SCAI: variants seen among roughly 807,000 people sequenced by gnomAD.
SCAI encodes protein SCAI.
In SCAI, 24 loss-of-function variants were observed where a neutral mutation model predicts 92.2. That is an observed-to-expected ratio of 0.26 (90% CI 0.19 to 0.37). SCAI has a LOEUF of 0.37. Ranked by LOEUF, SCAI falls within the 10% of genes least tolerant of loss-of-function variation. SCAI has a pLI of 1.00. For missense variants in SCAI, 450 were observed against 736.2 expected, an observed-to-expected ratio of 0.61 and a Z score of 4.50; for synonymous variants, 261 against 258.6, an observed-to-expected ratio of 1.01 and a Z score of -0.09.
intron 11 of SCAI, among the ~76,000 whole-genome samples, chr9:125,002,806 A>C (rs1052190158): frequency 2.6e-5 from 4 of 151,826 alleles, no homozygotes; most frequent in Non-Finnish European, 5.9e-5. Flanking sequence ...TTACACCTAA[A>C]ATCATTGAGT....
intron 2 of SCAI, among the ~76,000 whole-genome samples, chr9:125,075,092 T>C (rs75129264): frequency 0.027 from 4,153 of 152,206 alleles, 86 homozygotes; most frequent in Non-Finnish European, 0.041. Context: ...TTTATGAAGC[T>C]AATGGGGCAG....
At chr9:125,105,085 T>A (rs1834750726) in intron 2 of SCAI, among the ~76,000 whole-genome samples, 1 of 152,028 alleles carries the variant, frequency 6.6e-6, no homozygotes, top group Non-Finnish European at 1.5e-5. Flanking sequence ...TCATAAATCA[T>A]CTGGTGGTAA....
At chr9:124,983,748 T>C (rs1192502311) in intron 14 of SCAI, among the ~76,000 whole-genome samples, 1 of 152,210 alleles carries the variant, frequency 6.6e-6, no homozygotes, top group East Asian at 1.9e-4. Context: ...TCACAGAAGG[T>C]GACAAGTGCT....
At chr9:125,126,311 T>A (rs1343931146) in intron 2 of SCAI, among the ~76,000 whole-genome samples, 1 of 152,170 alleles carries the variant, frequency 6.6e-6, no homozygotes, top group Admixed American at 6.6e-5. Context: ...TGGGTGGCTG[T>A]CTTCACAACA....
At chr9:125,063,224 C>T (rs1282791631) in intron 2 of SCAI, among the ~76,000 whole-genome samples, 1 of 151,048 alleles carries the variant, frequency 6.6e-6, no homozygotes, top group African/African-American at 2.4e-5. Flanking sequence ...GCCTGGCCAA[C>T]ATGGCAAAAC....
chr9:125,115,909 G>A (rs150504365), intron 2 of SCAI, among the ~76,000 whole-genome samples: 9 of 152,258 alleles, frequency 5.9e-5, no homozygotes, highest in South Asian at 2.1e-4. Flanking sequence ...GTACACATAT[G>A]TTGGGCCAGG....
At chr9:125,080,494 G>GA (rs1198810175) in intron 2 of SCAI, among the ~76,000 whole-genome samples, 3 of 151,810 alleles carry the variant, frequency 2.0e-5, no homozygotes, top group Non-Finnish European at 4.4e-5. Context: ...ATCACTCTTT[G>GA]AAAAAAATAT....
intron 3 of SCAI, among the ~76,000 whole-genome samples, chr9:125,045,038 C>T (rs1454875562): frequency 1.3e-5 from 2 of 152,186 alleles, no homozygotes; most frequent in Non-Finnish European, 2.9e-5. Flanking sequence ...ACCTGGCCTA[C>T]CCTTGGCAGG....
intron 17 of SCAI, among the ~76,000 whole-genome samples, chr9:124,953,423 T>C (rs975819116): frequency 3.3e-5 from 5 of 151,952 alleles, no homozygotes; most frequent in African/African-American, 1.2e-4. Context: ...GGTCAGGAGT[T>C]TGAGACCAGC....
intron 2 of SCAI, among the ~76,000 whole-genome samples, chr9:125,069,094 T>G (rs1833926598): frequency 6.6e-6 from 1 of 151,786 alleles, no homozygotes; most frequent in Admixed American, 6.6e-5. Flanking sequence ...GGCATGCACC[T>G]GTAACCCTAG....
chr9:125,077,101 T>C (rs1442089370), intron 2 of SCAI, among the ~76,000 whole-genome samples: 1 of 152,212 alleles, frequency 6.6e-6, no homozygotes, highest in African/African-American at 2.4e-5. Flanking sequence ...GAAGCGCCAC[T>C]GCACTCAGGC....
Position 125,003,194 on chromosome 9 carries a change from T to G in SCAI, c.985A>C (p.Arg329=). 6.2e-7 allele frequency: 1 copy of G among 1,613,582 alleles called. No homozygotes were observed. Among genetic ancestry groups the G allele is most frequent in the East Asian group, 2.2e-5 (1 of 44,866 alleles). The change falls in exon 11 of 18, where the codon AGA becomes CGA. Residue 329 remains arginine (R), a synonymous_variant. Coordinates refer to ENST00000336505, the MANE Select transcript of SCAI (RefSeq NM_001144877.3). The part of the protein sequence containing the change: ...GMQESADKPT[R]RENPHKYLLY... ...AGATACTTGTGGGGGTTTTCTCGTC[T>G]AGTAGGCTTGTCAGCTGATTCCTAT... is the stretch of plus-strand genomic sequence containing the variant.
chr9:125,037,264 T>C (rs1021658545), intron 3 of SCAI, among the ~76,000 whole-genome samples: 5 of 142,030 alleles, frequency 3.5e-5, no homozygotes, highest in African/African-American at 1.4e-4. Flanking sequence ...GAGCAAAACT[T>C]TGTCGATTAA....
chr9:125,138,644 G>C (rs929972442), intron 2 of SCAI, among the ~76,000 whole-genome samples: 15 of 152,070 alleles, frequency 9.9e-5, no homozygotes, highest in Non-Finnish European at 1.5e-5. Context: ...TCGATCTCCT[G>C]ACCTTGTGAT....
intron 12 of SCAI, among the ~76,000 whole-genome samples, chr9:125,001,436 C>T (rs1031712247): frequency 6.6e-5 from 10 of 152,112 alleles, no homozygotes; most frequent in African/African-American, 1.7e-4. Context: ...AACAGCATCC[C>T]GATATTCTAC....
intron 3 of SCAI, among the ~76,000 whole-genome samples, chr9:125,054,269 C>T (rs763257679): frequency 6.6e-6 from 1 of 152,198 alleles, no homozygotes; most frequent in Non-Finnish European, 1.5e-5. Context: ...GCCACTGCGC[C>T]TGGCCTCTTC....
intron 17 of SCAI, among the ~76,000 whole-genome samples, chr9:124,970,336 C>T (rs1179162546): frequency 2.6e-5 from 4 of 151,920 alleles, no homozygotes; most frequent in African/African-American, 7.3e-5. Flanking sequence ...AAGGAAGCTG[C>T]AGAATACATA....
At chr9:125,139,060 G>A (rs1186241855) in intron 2 of SCAI, among the ~76,000 whole-genome samples, 2 of 152,166 alleles carry the variant, frequency 1.3e-5, no homozygotes, top group African/African-American at 4.8e-5. Context: ...TCTTAAAGGA[G>A]GGGGCTTGTC....
chr9:125,136,115 CTTTT>C (rs200355256), intron 2 of SCAI, among the ~76,000 whole-genome samples: 1 of 142,112 alleles, frequency 7.0e-6, no homozygotes. Context: ...ATTAACTTAC[CTTTT>C]TTTTTTTTTT....
Sources: gnomAD v4.1 joint callset for allele counts (sites outside exome capture counted in the v4.1 genomes callset) on GRCh38, gnomAD v4.1.1 for gene constraint, MANE v1.5 for transcripts, NCBI Gene and HGNC (gene_info 2026-07-23, HGNC 2026-07-21) for gene names.